The following ATP6V0A4 variants were observed in gnomAD, a reference collection of about 807,000 sequenced individuals.
ATP6V0A4 encodes V-type proton ATPase 116 kDa subunit a 4.
A neutral mutation model predicts 107.3 loss-of-function variants in ATP6V0A4; 86 were observed. That is an observed-to-expected ratio of 0.80 (90% confidence interval 0.67 to 0.96). ATP6V0A4 has a LOEUF of 0.96. Among genes scored for constraint, ATP6V0A4 ranks in the 40% least tolerant of loss-of-function variants. The pLI is 0.00. For missense variants in ATP6V0A4, 908 were observed against 1,045.6 expected (o/e 0.87, Z 1.81); for synonymous variants, 353 against 381.4 (o/e 0.93, Z 0.87).
At chr7:138,776,351 G>A (rs527716018) in intron 2 of ATP6V0A4, among the ~76,000 whole-genome samples, 5 of 152,308 alleles carry the variant, frequency 3.3e-5, no homozygotes, top group African/African-American at 4.8e-5. Context: ...AGTTGCTTGC[G>A]TTTCTTGAGA....
At chr7:138,793,593 T>C (rs928210980) in intron 1 of ATP6V0A4, among the ~76,000 whole-genome samples, 6 of 152,146 alleles carry the variant, frequency 3.9e-5, no homozygotes, top group Non-Finnish European at 7.4e-5. Flanking sequence ...CATGACACAT[T>C]CAAGAGCCAC....
intron 10 of ATP6V0A4, among the ~76,000 whole-genome samples, chr7:138,754,963 A>G (rs1347222930): frequency 1.3e-5 from 2 of 152,188 alleles, no homozygotes; most frequent in Non-Finnish European, 2.9e-5. Flanking sequence ...AAAAATACAA[A>G]CTAAATGACT....
At chr7:138,710,178 G>A (rs959446695) in intron 20 of ATP6V0A4, among the ~76,000 whole-genome samples, 4 of 147,344 alleles carry the variant, frequency 2.7e-5, no homozygotes, top group East Asian at 2.0e-4. Flanking sequence ...GAAGTGTGCC[G>A]CCACTGTCTG....
Position 138,747,779 on chromosome 7 carries a change from G to A in ATP6V0A4, c.1181-215C>T, listed in dbSNP as rs921257559. The A allele has an allele frequency of 8.9e-5, 56 of 630,810 alleles. 1 individual carries two copies. In the African/African-American group the frequency reaches 1.0e-3, roughly 11 times the overall value. 39.1% of individuals were successfully genotyped at this position (630,810 alleles called of 1,614,324 possible). On this transcript the variant is annotated intron_variant, in intron 12 of 21. Coordinates refer to ENST00000310018, the MANE Select transcript of ATP6V0A4 (RefSeq NM_020632.3). Reference sequence around the variant, plus strand: ...CTGTTTTTCAATTTTTTTTGAAAGTGGGTCTCGCTCTGTCACCCAGGCTGG... The same window carrying A: ...CTGTTTTTCAATTTTTTTTGAAAGTAGGTCTCGCTCTGTCACCCAGGCTGG...
intron 7 of ATP6V0A4, 127 bp downstream of exon 7, chr7:138,762,213 G>T: frequency 8.1e-7 from 1 of 1,237,468 alleles, no homozygotes; most frequent in Non-Finnish European, 1.2e-6. Context: ...TCTATCGCTT[G>T]GCAGAGGCTT....
At chr7:138,735,604 G>C (rs1008070164) in intron 15 of ATP6V0A4, among the ~76,000 whole-genome samples, 1 of 152,140 alleles carries the variant, frequency 6.6e-6, no homozygotes, top group Non-Finnish European at 1.5e-5. Context: ...GCTGGGAAGC[G>C]GGGAGAAGGG....
chr7:138,759,781 T>C lies in ATP6V0A4; in HGVS notation c.610A>G (p.Met204Val), dbSNP rs113776781. The C allele has an allele frequency of 4.3e-6, 7 of 1,614,130 alleles. No homozygotes were observed. The highest frequency in any genetic ancestry group is 2.5e-6 in the Non-Finnish European group (3 of 1,180,036). The change falls in exon 8 of 22, where the codon ATG becomes GTG. Residue 204 changes from methionine (M) to valine (V), a missense_variant. Transcript: ENST00000310018. The part of the protein sequence containing the change: ...RGNVYLKFSE[M>V]DAPLEDPVTK... The stretch of plus-strand genomic sequence containing the variant: ...ACAGGATCCTCCAGAGGGGCGTCCA[T>C]CTCACTGAACTTCAAGTACACGTTT...
chr7:138,754,884 T>G (rs1806429407), intron 10 of ATP6V0A4, among the ~76,000 whole-genome samples: 1 of 152,030 alleles, frequency 6.6e-6, no homozygotes, highest in African/African-American at 2.4e-5. Context: ...CACCTCAGCT[T>G]CCCAAAGTGC....
At chr7:138,765,882 T>G (rs1807062251) in intron 5 of ATP6V0A4, among the ~76,000 whole-genome samples, 1 of 152,178 alleles carries the variant, frequency 6.6e-6, no homozygotes, top group Non-Finnish European at 1.5e-5. Flanking sequence ...CCCAAGTAGC[T>G]GGGACCACAG....
At chr7:138,745,407 G>A in intron 13 of ATP6V0A4, 127 bp from the exon 14 acceptor site, 1 of 1,372,480 alleles carries the variant, frequency 7.3e-7, no homozygotes, top group Non-Finnish European at 1.0e-6. Context: ...CATGACCACA[G>A]CAGACATCAA....
chr7:138,760,103 T>C (rs1806728048), intron 7 of ATP6V0A4, among the ~76,000 whole-genome samples: 1 of 152,156 alleles, frequency 6.6e-6, no homozygotes, highest in Non-Finnish European at 1.5e-5. Flanking sequence ...TATCTTGAAA[T>C]ATCCTTAATC....
chr7:138,746,019 A>C (rs1391671730), intron 13 of ATP6V0A4, among the ~76,000 whole-genome samples: 1 of 141,312 alleles, frequency 7.1e-6, no homozygotes, highest in African/African-American at 2.6e-5. Flanking sequence ...TATATTTATA[A>C]CATAATATAT....
At chr7:138,709,208 C>CAA (rs60144433) in intron 21 of ATP6V0A4, among the ~76,000 whole-genome samples, 6,109 of 47,506 alleles carry the variant, frequency 0.13, 407 homozygotes, top group Non-Finnish European at 0.19. Context: ...GAGCCTGTCT[C>CAA]AAAAAAAAAA....
intron 10 of ATP6V0A4, among the ~76,000 whole-genome samples, chr7:138,753,161 G>A (rs571162586): frequency 2.6e-5 from 4 of 152,266 alleles, no homozygotes; most frequent in African/African-American, 9.6e-5. Context: ...TTTGCAGATG[G>A]AATCAGGTTA....
rs186644304 is a variant in ATP6V0A4, at chr7:138,766,085, T to C, written c.291+2695A>G. On this transcript the variant is annotated intron_variant, in intron 5 of 21. Coordinates refer to ENST00000310018, the MANE Select transcript of ATP6V0A4 (RefSeq NM_020632.3). ...GTTTTAATTTCATTTTTACAGCAAATAACATTCAGAAGAAAAACTCTAAGG... is the reference window on the plus strand; with the variant it reads ...GTTTTAATTTCATTTTTACAGCAAACAACATTCAGAAGAAAAACTCTAAGG... Among the ~76,000 whole-genome samples the C allele has an allele frequency of 3.9e-5, 6 of 152,068 alleles. No individual in the cohort carries two copies. The East Asian group carries it at 1.2e-3, about 30-fold the overall frequency.
Position 138,732,952 on chromosome 7 carries a change from G to A in ATP6V0A4, c.1833C>T (p.Ser611=). Residue 611 remains serine, a synonymous_variant, in exon 17 of 22, where the codon AGC becomes AGT. Transcript: ENST00000310018. ...FDVHVSQHAP[S]ILIHFINMFL... ...ACATGTTGATGAAGTGGATGAGGAT[G>A]CTGGGGGCGTGCTGAGATACATGGA... 3.1e-6 allele frequency: 5 copies of A among 1,613,606 alleles called. No homozygotes were observed. Among genetic ancestry groups the A allele is most frequent in the Non-Finnish European group, 4.2e-6 (5 of 1,179,610 alleles).
At chr7:138,726,001 A>ATTTT (rs987893524) in intron 18 of ATP6V0A4, among the ~76,000 whole-genome samples, 2 of 151,332 alleles carry the variant, frequency 1.3e-5, no homozygotes, top group African/African-American at 4.9e-5. Flanking sequence ...TTATTTATTT[A>ATTTT]TTTTTTGAGA....
At chr7:138,722,630 A>G (rs1804477799) in intron 18 of ATP6V0A4, among the ~76,000 whole-genome samples, 1 of 150,378 alleles carries the variant, frequency 6.6e-6, no homozygotes, top group Non-Finnish European at 1.5e-5. Context: ...CTGTAATCCC[A>G]GCTACCCGGG....
chr7:138,728,808 G>A lies in ATP6V0A4; in HGVS notation c.1963C>T (p.Leu655Phe), dbSNP rs1287994056. The part of the protein sequence containing the change: ...VMALISVPWM[L>F]LIKPFILRAS... ...CTAAGAATAAACGGCTTAATCAGAA[G>A]CATCCACGGCACAGAAATCAAAGCC... The change falls in exon 18 of 22, where the codon CTT becomes TTT. Residue 655 changes from leucine (L) to phenylalanine (F), a missense_variant. By Grantham distance (22) the Leu-to-Phe change is conservative. Transcript: ENST00000310018. 8 of 1,614,152 alleles carry A rather than the reference G, an allele frequency of 5.0e-6. No homozygotes were observed. The highest frequency in any genetic ancestry group is 6.8e-6 in the Non-Finnish European group (8 of 1,180,040).
Sources: allele counts gnomAD v4.1 joint callset (sites outside exome capture counted in the v4.1 genomes callset), GRCh38; gene constraint gnomAD v4.1.1; transcripts MANE v1.5; gene names NCBI Gene and HGNC (gene_info 2026-07-23, HGNC 2026-07-21).